The following CCHCR1 variants were observed in gnomAD, a reference collection of about 807,000 sequenced individuals.
CCHCR1 encodes HCR (a-helix coiled-coil rod homologue).
A neutral mutation model predicts 114.6 loss-of-function variants in CCHCR1; 91 were observed. The ratio of observed to expected loss-of-function variants is 0.79; its 90% CI spans 0.67 to 0.94. CCHCR1 has a LOEUF of 0.94. Among genes scored for constraint, CCHCR1 ranks in the 40% least tolerant of loss-of-function variants. The pLI is 0.00. For synonymous variants in CCHCR1, 379 were observed against 428.5 expected (o/e 0.88, Z 1.43); for missense variants, 899 against 1,079.9 (o/e 0.83, Z 2.35).
intron 3 of CCHCR1, chr6:31,156,415 C>G (rs1457732978): frequency 9.9e-6 from 4 of 405,662 alleles, no homozygotes; most frequent in African/African-American, 4.3e-5. Context: ...TGGGTCTCTA[C>G]CTCTAGTTTG....
chr6:31,154,790 C>T lies in CCHCR1; in HGVS notation c.507G>A (p.Gly169=), dbSNP rs769049026. 8.7e-6 allele frequency: 14 copies of T among 1,601,414 alleles called. No homozygotes were observed. Among genetic ancestry groups the T allele is most frequent in the Non-Finnish European group, 1.2e-5 (14 of 1,178,514 alleles). The change falls in exon 4 of 18, where the codon GGG becomes GGA. Residue 169 remains glycine (G), a synonymous_variant. Coordinates refer to ENST00000396268, the MANE Select transcript of CCHCR1 (RefSeq NM_001105564.2). This position sits in a 1 kb window ranked among gnomAD's most constrained non-coding sequence, Gnocchi z 4.1. ...GGCTCAGGGCCTGTGACCCCTCCAGCCCCCAGGACCTTCAAAGACAGGTTA... is the reference window on the plus strand; with the variant it reads ...GGCTCAGGGCCTGTGACCCCTCCAGTCCCCAGGACCTTCAAAGACAGGTTA... ...QEPGRRGRSW[G]LEGSQALSQQ...
At position 31,152,063 on chromosome 6, in the gene CCHCR1, G is replaced by A. The variant is rs1013887497; in HGVS notation, c.802-941C>T. 1.2e-4 allele frequency among the ~76,000 whole-genome samples: 18 copies of A among 152,236 alleles called. 1 individual carries two copies. The highest frequency in any genetic ancestry group is 7.8e-4 in the Admixed American group (12 of 15,298). On this transcript the variant is annotated intron_variant, in intron 4 of 17. Transcript: ENST00000396268. ...TGTAATTCCAGCACTTTGGGAGGCC[G>A]AGGTGGGTGGATCACAAGGTCAGGA...
chr6:31,145,122 C>T (rs3094226), intron 13 of CCHCR1, 44 bp downstream of exon 13: 1,213,931 of 1,605,232 alleles, frequency 0.76, 460,219 homozygotes, highest in Middle Eastern at 0.85. Flanking sequence ...CCCTAGACAC[C>T]GGGTTTTTCC....
At chr6:31,152,558 C>T (rs1448664044) in intron 4 of CCHCR1, among the ~76,000 whole-genome samples, 2 of 151,900 alleles carry the variant, frequency 1.3e-5, no homozygotes, top group Non-Finnish European at 2.9e-5. Flanking sequence ...AGGCTGGTCT[C>T]GAACTCCTGA....
Position 31,157,413 on chromosome 6 carries a change from C to A in CCHCR1, c.188G>T (p.Ser63Ile). ...VPPFSPLARSSRDHRNLRRRG... is the reference protein window; with the variant it reads ...VPPFSPLARSIRDHRNLRRRG... ...CCTCCTTAAGTTTCTATGGTCCCTGCTGCTCCTGGCCAGAGGTGAGAAAGG... is the reference window on the plus strand; with the variant it reads ...CCTCCTTAAGTTTCTATGGTCCCTGATGCTCCTGGCCAGAGGTGAGAAAGG... Residue 63 changes from serine (S) to isoleucine (I), a missense_variant, in exon 1 of 18, where the codon AGC (serine) becomes ATC (isoleucine). By Grantham distance (142) the Ser-to-Ile change is moderately radical. Coordinates refer to ENST00000396268, the MANE Select transcript of CCHCR1 (RefSeq NM_001105564.2). The A allele has an allele frequency of 2.5e-6, 4 of 1,613,064 alleles. No individual in the cohort carries two copies. The highest frequency in any genetic ancestry group is 3.4e-6 in the Non-Finnish European group (4 of 1,180,016).
At position 31,143,659 on chromosome 6, in the gene CCHCR1, A is replaced by G. The variant is rs1773882649; in HGVS notation, c.2168-246T>C. Reference sequence around the variant, plus strand: ...GGAGTTCCTCAGGGGAAATCTGAACATGAACTGGGTTAGATTTTGTGCAAT... The same window carrying G: ...GGAGTTCCTCAGGGGAAATCTGAACGTGAACTGGGTTAGATTTTGTGCAAT... On this transcript the variant is annotated intron_variant, in intron 15 of 17. Transcript: ENST00000396268. This position sits in a 1 kb window ranked among gnomAD's most constrained non-coding sequence, Gnocchi z 5.3. 6.6e-6 allele frequency among the ~76,000 whole-genome samples: 1 copy of G among 152,244 alleles called. No homozygotes were observed. The highest frequency in any genetic ancestry group is 1.5e-5 in the Non-Finnish European group (1 of 68,048).
At position 31,143,261 on chromosome 6, in the gene CCHCR1, C is replaced by A. The variant is rs1401491645; in HGVS notation, c.2319+1G>T. On this transcript the variant is annotated splice_donor_variant, in intron 16 of 17. Coordinates refer to ENST00000396268, the MANE Select transcript of CCHCR1 (RefSeq NM_001105564.2). LOFTEE classifies it high-confidence loss of function. This position sits in a 1 kb window ranked among gnomAD's most constrained non-coding sequence, Gnocchi z 5.3. ...TGCCTGTCTGCCCTCCTGTCTCCTA[C>A]CAGCATGAGGTTCTTATCCCTCTCT... 2 of 1,612,550 alleles carry A rather than the reference C, an allele frequency of 1.2e-6. No individual in the cohort carries two copies. Among genetic ancestry groups the A allele is most frequent in the Admixed American group, 1.7e-5 (1 of 60,004 alleles).
intron 10 of CCHCR1, among the ~76,000 whole-genome samples, chr6:31,147,814 A>C (rs2151015669): frequency 6.6e-6 from 1 of 152,172 alleles, no homozygotes; most frequent in Non-Finnish European, 1.5e-5. Context: ...TAAAAATGCA[A>C]AAATTAGCCG....
At chr6:31,156,105 G>A (rs17197073) in intron 3 of CCHCR1, 8,878 of 152,332 alleles carry the variant, frequency 0.058, 310 homozygotes, top group Non-Finnish European at 0.08. Context: ...TAGTAGCAGC[G>A]ATCTGTAGGC....
chr6:31,152,714 G>T (rs1159651075), intron 4 of CCHCR1, among the ~76,000 whole-genome samples: 1 of 151,890 alleles, frequency 6.6e-6, no homozygotes, highest in East Asian at 1.9e-4. Context: ...GGGCTCAAAT[G>T]ATCCTTCCAC....
At position 31,142,979 on chromosome 6, in the gene CCHCR1, G is replaced by C; in HGVS notation, c.2475C>G (p.Thr825=). The change falls in exon 17 of 18, where the codon ACC becomes ACG. Residue 825 remains threonine, a synonymous_variant. Coordinates refer to ENST00000396268, the MANE Select transcript of CCHCR1 (RefSeq NM_001105564.2). ...ASAPVAAAVP[T]RESIKGSLSV... ...GCCCAAGACCTTTTATGGACTCCCT[G>C]GTGGGCACTGCTGCTGCTACAGGTG... 6.2e-7 allele frequency: 1 copy of C among 1,612,874 alleles called. No individual in the cohort carries two copies. The highest frequency in any genetic ancestry group is 8.5e-7 in the Non-Finnish European group (1 of 1,179,994).
intron 10 of CCHCR1, among the ~76,000 whole-genome samples, chr6:31,147,506 G>T (rs997049254): frequency 6.6e-6 from 1 of 151,754 alleles, no homozygotes; most frequent in African/African-American, 2.4e-5. Context: ...TTTTCTTAGA[G>T]GTTTTTCTGA....
chr6:31,145,087 G>A lies in CCHCR1; in HGVS notation c.1877-14C>T. On this transcript the variant is annotated splice_polypyrimidine_tract_variant and intron_variant, in intron 13 of 17. Coordinates refer to ENST00000396268, the MANE Select transcript of CCHCR1 (RefSeq NM_001105564.2). Reference sequence around the variant, plus strand: ...GCTCTGCCTCCCCTAAAAGGAGGGGGTGCTGGGTCAGGCCTCTCCCAGCAC... The same window carrying A: ...GCTCTGCCTCCCCTAAAAGGAGGGGATGCTGGGTCAGGCCTCTCCCAGCAC... 1.9e-6 allele frequency: 3 copies of A among 1,599,612 alleles called. No individual in the cohort carries two copies. Among genetic ancestry groups the A allele is most frequent in the South Asian group, 2.2e-5 (2 of 90,470 alleles).
In CCHCR1 at chr6:31,143,139, GA is replaced by G; in HGVS notation, c.2320-6del. ...ACCTTCCTGCTGCAAGGTGGCCTGGGAAGGAGAGGGTTAAACCTAGCCCGGA... is the reference window on the plus strand; with the variant it reads ...ACCTTCCTGCTGCAAGGTGGCCTGGGAGGAGAGGGTTAAACCTAGCCCGGA... On this transcript the variant is annotated splice_polypyrimidine_tract_variant and splice_region_variant and intron_variant, in intron 16 of 17. Coordinates refer to ENST00000396268, the MANE Select transcript of CCHCR1 (RefSeq NM_001105564.2). This position sits in a 1 kb window ranked among gnomAD's most constrained non-coding sequence, Gnocchi z 5.3. 1 of 1,612,780 alleles carries G rather than the reference GA, an allele frequency of 6.2e-7. No individual in the cohort carries two copies. The highest frequency in any genetic ancestry group is 8.5e-7 in the Non-Finnish European group (1 of 1,179,902).
chr6:31,145,740 T>A lies in CCHCR1; in HGVS notation c.1649A>T (p.Asn550Ile). 1.9e-6 allele frequency: 3 copies of A among 1,613,602 alleles called. No individual in the cohort carries two copies. Among genetic ancestry groups the A allele is most frequent in the Non-Finnish European group, 2.5e-6 (3 of 1,180,014 alleles). ...EGAAAQLPSL[N>I]NRLSYAVRKV... Reference sequence around the variant, plus strand: ...GCGGACAGCATAGCTGAGTCGGTTGTTGAGGCTGGGAAGCTGGGCGGCAGC... The same window carrying A: ...GCGGACAGCATAGCTGAGTCGGTTGATGAGGCTGGGAAGCTGGGCGGCAGC... The change falls in exon 11 of 18, where the codon AAC becomes ATC. Residue 550 changes from asparagine (N) to isoleucine (I), a missense_variant. Physicochemically the swap from Asn to Ile is moderately radical, Grantham distance 149 (BLOSUM62 -3). Coordinates refer to ENST00000396268, the MANE Select transcript of CCHCR1 (RefSeq NM_001105564.2).
Position 31,150,572 on chromosome 6 carries a change from G to A in CCHCR1, c.1102-7C>T. 1 of 1,607,222 alleles carries A rather than the reference G, an allele frequency of 6.2e-7. No individual in the cohort carries two copies. Among genetic ancestry groups the A allele is most frequent in the Non-Finnish European group, 8.5e-7 (1 of 1,176,798 alleles). On this transcript the variant is annotated splice_polypyrimidine_tract_variant and splice_region_variant and intron_variant, in intron 6 of 17. Transcript: ENST00000396268. The surrounding 1 kb of genome is among the most constrained non-coding windows in gnomAD (Gnocchi z 5.3). ...CCCGGTCCTCCTGCAAGTGCTGCGG[G>A]CAGAGGAAAGCAGCCCCTCTGTAGG...
chr6:31,147,474 C>G (rs1774522456), intron 10 of CCHCR1, among the ~76,000 whole-genome samples: 1 of 150,718 alleles, frequency 6.6e-6, no homozygotes, highest in African/African-American at 2.5e-5. Context: ...GAAGTCATCA[C>G]CAGCACAAAG....
At chr6:31,145,846 C>G in intron 10 of CCHCR1, 38 bp from the exon 11 acceptor site, 1 of 1,278,408 alleles carries the variant, frequency 7.8e-7, no homozygotes, top group East Asian at 2.3e-5. Flanking sequence ...CCATGCCTCC[C>G]CTCATTCCCA....
intron 17 of CCHCR1, 71 bp from the exon 18 acceptor site, chr6:31,142,787 G>C: frequency 6.4e-7 from 1 of 1,569,612 alleles, no homozygotes; most frequent in African/African-American, 1.4e-5. Flanking sequence ...AACAGGGCTG[G>C]CACAGGAAAT....
Sources: allele counts gnomAD v4.1 joint callset (sites outside exome capture counted in the v4.1 genomes callset), GRCh38; gene constraint gnomAD v4.1.1; non-coding constraint Gnocchi (gnomAD v3.1); transcripts MANE v1.5; gene names NCBI Gene and HGNC (gene_info 2026-07-23, HGNC 2026-07-21).